Variants in RBPJ observed in about 807,000 individuals in gnomAD.
The protein encoded by RBPJ is recombination signal binding protein for immunoglobulin kappa J region.
A neutral mutation model predicts 67.8 loss-of-function variants in RBPJ; 9 were observed. The ratio of observed to expected loss-of-function variants is 0.13; its 90% confidence interval spans 0.08 to 0.23. The LOEUF is 0.23. Ranked by LOEUF, RBPJ falls within the 10% of genes least tolerant of loss-of-function variation. RBPJ has a pLI of 1.00. For missense variants in RBPJ, 305 were observed against 595.6 expected, an observed-to-expected ratio of 0.51 and a Z score of 5.08; for synonymous variants, 198 against 203.3, an observed-to-expected ratio of 0.97 and a Z score of 0.22.
At chr4:26,342,572 A>ATG (rs1725660550) in intron 1 of RBPJ, among the ~76,000 whole-genome samples, 1 of 152,200 alleles carries the variant, frequency 6.6e-6, no homozygotes, top group Non-Finnish European at 1.5e-5. Flanking sequence ...CTGACAACAC[A>ATG]TGATTGAGTG....
At chr4:26,247,707 G>A (rs1441365039) in intron 1 of RBPJ, among the ~76,000 whole-genome samples, 1 of 152,110 alleles carries the variant, frequency 6.6e-6, no homozygotes, top group East Asian at 1.9e-4. Context: ...ACCGTACCCA[G>A]CCTTCATAAT....
At chr4:26,293,512 T>G (rs1244332646) in intron 1 of RBPJ, among the ~76,000 whole-genome samples, 1 of 149,898 alleles carries the variant, frequency 6.7e-6, no homozygotes, top group Non-Finnish European at 1.5e-5. Flanking sequence ...GGCACATGCC[T>G]AAAGTCTCAG....
chr4:26,310,112 A>G (rs1722381558), intron 1 of RBPJ, among the ~76,000 whole-genome samples: 1 of 152,220 alleles, frequency 6.6e-6, no homozygotes, highest in South Asian at 2.1e-4. Flanking sequence ...CCTGTGAAAA[A>G]TTAAACACAA....
At chr4:26,126,843 C>T in the RBPJ span, among the ~76,000 whole-genome samples, 78 of 152,262 alleles carry the variant, frequency 5.1e-4, no homozygotes, top group Middle Eastern at 0.01. Flanking sequence ...ACACAGAGAA[C>T]CATATGGACA....
the RBPJ span, among the ~76,000 whole-genome samples, chr4:26,131,012 T>C: frequency 6.6e-6 from 1 of 152,230 alleles, no homozygotes; most frequent in African/African-American, 2.4e-5. Flanking sequence ...AGCATGCCTG[T>C]GCCATCATGT....
In RBPJ at chr4:26,312,053, T is replaced by G. The variant is rs541557922; in HGVS notation, c.-166-50393T>G. Among the ~76,000 whole-genome samples the G allele has an allele frequency of 2.6e-5, 4 of 152,198 alleles. No individual in the cohort carries two copies. In the South Asian group the frequency reaches 8.3e-4, roughly 32 times the overall value. On this transcript the variant is annotated intron_variant, in intron 1 of 4. Transcript: ENST00000512351. ...TTTACTCATTTAGCGTCTTAGGGAG[T>G]GGAACTCAGGCCCTTAATTGATTTT...
chr4:26,320,765 C>G (rs976579865), upstream of RBPJ: 1 of 1,554,342 alleles, frequency 6.4e-7, no homozygotes, highest in African/African-American at 1.4e-5. Context: ...CCATGGACCA[C>G]ACGGAGGGCT....
chr4:26,380,085 G>A (rs1434268583), intron 1 of RBPJ, among the ~76,000 whole-genome samples: 1 of 152,168 alleles, frequency 6.6e-6, no homozygotes, highest in Non-Finnish European at 1.5e-5. Context: ...GGCTGACATA[G>A]TGTCTTATTC....
At chr4:26,149,911 A>G in the RBPJ span, among the ~76,000 whole-genome samples, 1 of 152,184 alleles carries the variant, frequency 6.6e-6, no homozygotes, top group African/African-American at 2.4e-5. Flanking sequence ...CTCCAGTGTC[A>G]GCTATGCCCC....
chr4:26,166,527 T>A (rs1487623098), intron 1 of RBPJ, among the ~76,000 whole-genome samples: 1 of 151,062 alleles, frequency 6.6e-6, no homozygotes, highest in Non-Finnish European at 1.5e-5. Context: ...TTTTGAGAAG[T>A]GTCTGTTCAT....
intron 1 of RBPJ, among the ~76,000 whole-genome samples, chr4:26,311,972 A>C (rs1456671613): frequency 6.6e-6 from 1 of 152,114 alleles, no homozygotes; most frequent in African/African-American, 2.4e-5. Flanking sequence ...GACAATTTGC[A>C]TCAGAATCTC....
rs62409729 is a variant in RBPJ, at chr4:26,259,019, G to C, written c.-167+95405G>C. 2.5e-3 allele frequency among the ~76,000 whole-genome samples: 381 copies of C among 152,130 alleles called. 3 individuals are homozygous for C. The highest frequency in any genetic ancestry group is 4.6e-3 in the Non-Finnish European group (312 of 68,002). On this transcript the variant is annotated intron_variant, in intron 1 of 4. Transcript: ENST00000512351. Reference sequence around the variant, plus strand: ...GGGTTTCACCATGTTGGCCAGGATAGTCTCAACCTCCTGACCTCGTGATCC... The same window carrying C: ...GGGTTTCACCATGTTGGCCAGGATACTCTCAACCTCCTGACCTCGTGATCC...
chr4:26,324,384 G>C (rs1301965957), intron 1 of RBPJ, among the ~76,000 whole-genome samples: 1 of 133,906 alleles, frequency 7.5e-6, no homozygotes, highest in Non-Finnish European at 1.6e-5. Context: ...AAATTACAGG[G>C]TGATGTGTCG....
At chr4:26,317,704 G>A (rs1577421582), upstream of RBPJ, among the ~76,000 whole-genome samples, 1 of 152,182 alleles carries the variant, frequency 6.6e-6, no homozygotes, top group South Asian at 2.1e-4. Context: ...TTCTGAAGGT[G>A]GAGCCAATAG....
intron 1 of RBPJ, among the ~76,000 whole-genome samples, chr4:26,216,759 C>T (rs913255600): frequency 2.6e-5 from 4 of 152,070 alleles, no homozygotes; most frequent in Admixed American, 2.6e-4. Flanking sequence ...CCCATCTCTA[C>T]AAAATAAATA....
chr4:26,280,189 G>A (rs1721220760), intron 1 of RBPJ, among the ~76,000 whole-genome samples: 1 of 151,744 alleles, frequency 6.6e-6, no homozygotes, highest in African/African-American at 2.4e-5. Flanking sequence ...GAGGTCAGGA[G>A]TTGCAGACCA....
chr4:26,414,703 T>A (rs1734388338), intron 3 of RBPJ, among the ~76,000 whole-genome samples: 1 of 152,210 alleles, frequency 6.6e-6, no homozygotes, highest in Non-Finnish European at 1.5e-5. Context: ...ATAGATAATA[T>A]TTTTAATTGC....
intron 2 of RBPJ, among the ~76,000 whole-genome samples, chr4:26,397,875 C>T (rs1429978487): frequency 2.0e-5 from 3 of 152,120 alleles, no homozygotes; most frequent in South Asian, 2.1e-4. Context: ...CCTTGTGATC[C>T]GCCTGCGTCG....
At chr4:26,214,946 AGGACGGAAGGAAGGAGGGAGGGAGGGAG>A (rs1405381201) in intron 1 of RBPJ, among the ~76,000 whole-genome samples, 3 of 106,730 alleles carry the variant, frequency 2.8e-5, no homozygotes, top group African/African-American at 1.1e-4. Flanking sequence ...GGAGGGAGGA[AGGACGGAAGGAAGGAGGGAGGGAGGGAG>A]GGAAGGAAGG....
Sources: allele counts gnomAD v4.1 joint callset (sites outside exome capture counted in the v4.1 genomes callset), GRCh38; gene constraint gnomAD v4.1.1; transcripts MANE v1.5; gene names NCBI Gene and HGNC (gene_info 2026-07-23, HGNC 2026-07-21).